ANKS1B: variants seen among roughly 807,000 people sequenced by gnomAD.
The protein encoded by ANKS1B is ankyrin repeat and sterile alpha motif domain containing 1B.
In ANKS1B, 36 loss-of-function variants were observed where a neutral mutation model predicts 148.3. The ratio of observed to expected loss-of-function variants is 0.24; its 90% CI spans 0.19 to 0.32. The LOEUF is 0.32. Ranked by LOEUF, ANKS1B falls within the 10% of genes least tolerant of loss-of-function variation. ANKS1B has a pLI of 1.00. For missense variants in ANKS1B, 1,157 were observed against 1,542.6 expected (o/e 0.75, Z 4.19); for synonymous variants, 542 against 560.8 (o/e 0.97, Z 0.47).
chr12:99,124,419 T>TGTGTGTGTGTGTGTGTGTGTGTGTGG (rs1555273713), intron 15 of ANKS1B, among the ~76,000 whole-genome samples: 73 of 20,224 alleles, frequency 3.6e-3, no homozygotes, highest in African/African-American at 0.011. Flanking sequence ...TTTGTGTGCA[T>TGTGTGTGTGTGTGTGTGTGTGTGTGG]GTGTGTGTGT....
At chr12:99,396,849 A>G (rs2094260935) in intron 12 of ANKS1B, among the ~76,000 whole-genome samples, 1 of 152,148 alleles carries the variant, frequency 6.6e-6, no homozygotes, top group African/African-American at 2.4e-5. Context: ...AAAATCGATC[A>G]TCCCCAAAAC....
intron 12 of ANKS1B, among the ~76,000 whole-genome samples, chr12:99,303,860 A>G (rs893951376): frequency 1.3e-5 from 2 of 152,140 alleles, no homozygotes; most frequent in Admixed American, 6.6e-5. Flanking sequence ...GCTCCCACAT[A>G]TAAGTGAGAA....
chr12:99,145,221 C>T (rs940546761), intron 15 of ANKS1B, among the ~76,000 whole-genome samples: 4 of 152,014 alleles, frequency 2.6e-5, no homozygotes, highest in Non-Finnish European at 5.9e-5. Context: ...CTAAGCCAGG[C>T]CTTTGAAGTA....
At chr12:98,845,500 T>C (rs908964970) in intron 17 of ANKS1B, among the ~76,000 whole-genome samples, 1 of 152,344 alleles carries the variant, frequency 6.6e-6, no homozygotes, top group Middle Eastern at 3.4e-3. Flanking sequence ...ACCAGTACTT[T>C]ATTATTATAA....
intron 14 of ANKS1B, among the ~76,000 whole-genome samples, chr12:99,162,265 C>A (rs1337497376): frequency 2.0e-5 from 3 of 152,018 alleles, no homozygotes; most frequent in African/African-American, 7.2e-5. Flanking sequence ...TTGCACAACT[C>A]TGTGACTACA....
chr12:99,645,010 C>G (rs138571946), intron 9 of ANKS1B, among the ~76,000 whole-genome samples: 1 of 152,280 alleles, frequency 6.6e-6, no homozygotes, highest in African/African-American at 2.4e-5. Flanking sequence ...CAGATAACAC[C>G]CCCAATTCAG....
intron 11 of ANKS1B, among the ~76,000 whole-genome samples, chr12:99,442,740 A>G (rs2095570361): frequency 6.6e-6 from 1 of 152,102 alleles, no homozygotes; most frequent in South Asian, 2.1e-4. Context: ...ACTTATGTTA[A>G]ACAAGGAAAA....
rs558467483 is a variant in ANKS1B at position 99,365,916 on chromosome 12, AAG to A, written c.1756+33713_1756+33714del. Among the ~76,000 whole-genome samples the A allele has an allele frequency of 2.0e-3, 300 of 152,332 alleles. 2 individuals are homozygous for A. The highest frequency in any genetic ancestry group is 6.9e-3 in the African/African-American group (285 of 41,580). ...AATTGTATAAAAAAATAAGAAAAGA[AAG>A]AGAATAATAAAAATCAACAAATGAA... On this transcript the variant is annotated intron_variant, in intron 12 of 26. Coordinates refer to ENST00000683438, the MANE Select transcript of ANKS1B (RefSeq NM_001352186.2).
At chr12:98,894,959 G>C (rs1467773311) in intron 17 of ANKS1B, 1 of 836,258 alleles carries the variant, frequency 1.2e-6, no homozygotes, top group Non-Finnish European at 1.4e-6. Context: ...GCACCCGCCC[G>C]GCTCCACGCG....
At chr12:98,815,822 G>C (rs2099135083) in intron 19 of ANKS1B, among the ~76,000 whole-genome samples, 1 of 152,128 alleles carries the variant, frequency 6.6e-6, no homozygotes, top group Admixed American at 6.5e-5. Context: ...TTTCTCGTTT[G>C]ATTTATTCCA....
At chr12:99,858,761 T>C (rs2089594912) in intron 1 of ANKS1B, among the ~76,000 whole-genome samples, 1 of 152,002 alleles carries the variant, frequency 6.6e-6, no homozygotes, top group Non-Finnish European at 1.5e-5. Flanking sequence ...TTATTTTAAG[T>C]GAAGTAACTC....
chr12:99,564,520 T>C (rs77946375), intron 9 of ANKS1B, among the ~76,000 whole-genome samples: 8,371 of 152,086 alleles, frequency 0.055, 349 homozygotes, highest in East Asian at 0.24. Flanking sequence ...TTAATAACTA[T>C]GTATGATATA....
intron 8 of ANKS1B, among the ~76,000 whole-genome samples, chr12:99,763,818 G>C (rs866096297): frequency 6.6e-6 from 1 of 151,788 alleles, no homozygotes; most frequent in African/African-American, 2.4e-5. Flanking sequence ...TACTTCCTTC[G>C]TATATGTTAT....
At chr12:99,714,517 TTCTC>T (rs2057045697) in intron 8 of ANKS1B, among the ~76,000 whole-genome samples, 1 of 152,188 alleles carries the variant, frequency 6.6e-6, no homozygotes, top group Non-Finnish European at 1.5e-5. Context: ...ATTTTGATAA[TTCTC>T]ACAATATTTC....
chr12:99,504,308 C>T (rs1300883597), intron 10 of ANKS1B, among the ~76,000 whole-genome samples, 168 bp downstream of exon 10: 3 of 152,160 alleles, frequency 2.0e-5, no homozygotes, highest in Admixed American at 6.5e-5. Flanking sequence ...AAATAAAAAA[C>T]CTTCTGACCT....
chr12:98,893,274 A>G lies in ANKS1B; in HGVS notation c.2779-61138T>C, dbSNP rs369851173. On this transcript the variant is annotated intron_variant, in intron 17 of 26. Transcript: ENST00000683438. ...TCTGAGGAAGCCTTTCCGGTGGCAT[A>G]ATGCCAGCACTACTCATTATAGCCT... Among the ~76,000 whole-genome samples the G allele has an allele frequency of 1.2e-4, 18 of 152,344 alleles. No individual in the cohort carries two copies. In the East Asian group the frequency reaches 3.3e-3, roughly 28 times the overall value.
intron 9 of ANKS1B, among the ~76,000 whole-genome samples, chr12:99,631,346 T>A (rs1269812602): frequency 1.3e-5 from 2 of 151,382 alleles, no homozygotes; most frequent in African/African-American, 4.9e-5. Flanking sequence ...TTGCTGATAA[T>A]GAATAACTAA....
Position 98,807,833 on chromosome 12 carries a change from T to C in ANKS1B, c.3141+11A>G. 2 of 1,611,816 alleles carry C rather than the reference T, an allele frequency of 1.2e-6. No individual in the cohort carries two copies. Among genetic ancestry groups the C allele is most frequent in the South Asian group, 2.2e-5 (2 of 90,638 alleles). ...AGTTCAGGAGAAGAAAAGAACCATT[T>C]GTAACCTTACATTATGAACCTGATG... On this transcript the variant is annotated intron_variant, in intron 20 of 26. Coordinates refer to ENST00000683438, the MANE Select transcript of ANKS1B (RefSeq NM_001352186.2).
chr12:99,190,922 A>G (rs2080587102), intron 14 of ANKS1B, among the ~76,000 whole-genome samples: 1 of 152,172 alleles, frequency 6.6e-6, no homozygotes, highest in Non-Finnish European at 1.5e-5. Flanking sequence ...ACAGAATGGG[A>G]GAAAATTTTT....
Sources: allele counts gnomAD v4.1 joint callset (sites outside exome capture counted in the v4.1 genomes callset), GRCh38; gene constraint gnomAD v4.1.1; transcripts MANE v1.5; gene names NCBI Gene and HGNC (gene_info 2026-07-23, HGNC 2026-07-21).